The following CACNA2D1 variants were observed in gnomAD, a reference collection of about 807,000 sequenced individuals.
CACNA2D1 encodes the protein voltage-dependent calcium channel subunit alpha-2/delta-1.
Under a neutral mutation model 171.5 loss-of-function variants are expected in CACNA2D1, and 53 were observed. That is an observed-to-expected ratio of 0.31 (90% CI 0.25 to 0.39). The LOEUF (loss-of-function observed/expected upper bound fraction) is 0.39, where lower values mean the gene tolerates loss of function less well. CACNA2D1 is among the 10% of genes least tolerant of loss of function. The pLI is 1.00. For synonymous variants in CACNA2D1, 442 were observed against 443.1 expected (o/e 1.00, Z 0.03); for missense variants, 903 against 1,299.8 (o/e 0.69, Z 4.69).
intron 1 of CACNA2D1, among the ~76,000 whole-genome samples, chr7:82,431,551 C>G (rs185606543): frequency 6.6e-6 from 1 of 152,072 alleles, no homozygotes; most frequent in Non-Finnish European, 1.5e-5. Flanking sequence ...GATGCTAAGA[C>G]CTCAAAGCTT....
At chr7:82,224,484 G>T (rs1291052757) in intron 3 of CACNA2D1, among the ~76,000 whole-genome samples, 1 of 152,064 alleles carries the variant, frequency 6.6e-6, no homozygotes, top group African/African-American at 2.4e-5. Flanking sequence ...TACTCAGGAG[G>T]CTGAGGCAGA....
rs114468611 is a variant in CACNA2D1, at chr7:82,212,601, G to T, written c.295-41992C>A. ...TTTCACAGAGAATAGCAGAGTCAAG[G>T]TTCATGTGAGCAGATATGGATGCAT... is the stretch of plus-strand genomic sequence containing the variant. On this transcript the variant is annotated intron_variant, in intron 3 of 38. Transcript: ENST00000356860. 5.4e-3 allele frequency among the ~76,000 whole-genome samples: 816 copies of T among 152,266 alleles called. 7 individuals carry two copies. The highest frequency in any genetic ancestry group is 0.018 in the African/African-American group (766 of 41,556).
intron 1 of CACNA2D1, among the ~76,000 whole-genome samples, chr7:82,436,486 T>A (rs1830127733): frequency 1.3e-5 from 2 of 152,220 alleles, no homozygotes; most frequent in African/African-American, 4.8e-5. Context: ...GAGATCTAGA[T>A]AATTTTATTG....
intron 4 of CACNA2D1, among the ~76,000 whole-genome samples, chr7:82,149,188 A>T (rs1050594882): frequency 6.6e-5 from 10 of 152,240 alleles, no homozygotes; most frequent in African/African-American, 2.4e-4. Context: ...CACAGCTTAG[A>T]TGTCATTAAC....
chr7:81,959,681 T>G (rs752599680), intron 37 of CACNA2D1, 39 bp downstream of exon 37: 2 of 1,582,280 alleles, frequency 1.3e-6, no homozygotes, highest in South Asian at 2.2e-5. Context: ...TGCATTAAGA[T>G]GGTTTTCCTT....
At chr7:82,037,626 C>T (rs1318574024) in intron 11 of CACNA2D1, among the ~76,000 whole-genome samples, 3 of 152,068 alleles carry the variant, frequency 2.0e-5, no homozygotes, top group African/African-American at 2.4e-5. Flanking sequence ...TTAATGTCTA[C>T]CATTTGGAAC....
intron 26 of CACNA2D1, chr7:81,971,076 G>GT (rs1795218167): frequency 3.8e-6 from 1 of 262,728 alleles, no homozygotes; most frequent in African/African-American, 2.3e-5. Flanking sequence ...GAAAAAAAAC[G>GT]TAAGACAAAA....
At chr7:82,336,300 T>G (rs1265723074) in intron 2 of CACNA2D1, among the ~76,000 whole-genome samples, 1 of 152,208 alleles carries the variant, frequency 6.6e-6, no homozygotes, top group Non-Finnish European at 1.5e-5. Flanking sequence ...GAATACTGGC[T>G]TCAAATGGAC....
At chr7:82,222,433 G>A (rs941809451) in intron 3 of CACNA2D1, among the ~76,000 whole-genome samples, 12 of 152,142 alleles carry the variant, frequency 7.9e-5, no homozygotes, top group Non-Finnish European at 1.5e-4. Flanking sequence ...AGGAGACTCA[G>A]GACAAACAAA....
chr7:82,381,337 A>C (rs1823696149), intron 1 of CACNA2D1, among the ~76,000 whole-genome samples: 1 of 147,608 alleles, frequency 6.8e-6, no homozygotes, highest in African/African-American at 2.5e-5. Flanking sequence ...AAAAAAAAAT[A>C]CGTCCTTGAC....
intron 2 of CACNA2D1, among the ~76,000 whole-genome samples, chr7:82,347,336 T>C (rs1172550406): frequency 2.0e-5 from 3 of 152,176 alleles, no homozygotes; most frequent in Non-Finnish European, 4.4e-5. Context: ...CGCAGTGCAG[T>C]GGCATGATCA....
intron 3 of CACNA2D1, among the ~76,000 whole-genome samples, chr7:82,261,203 C>T (rs997937283): frequency 1.1e-4 from 17 of 152,204 alleles, no homozygotes; most frequent in African/African-American, 4.1e-4. Flanking sequence ...GATCTGCCCG[C>T]CTCGGCCTCC....
At chr7:82,054,379 T>C (rs1386453569) in intron 10 of CACNA2D1, among the ~76,000 whole-genome samples, 1 of 152,204 alleles carries the variant, frequency 6.6e-6, no homozygotes, top group Non-Finnish European at 1.5e-5. Flanking sequence ...GAATTAACAT[T>C]ACTTGGGAAT....
At chr7:82,029,988 G>T (rs561705631) in intron 12 of CACNA2D1, 1 of 151,782 alleles carries the variant, frequency 6.6e-6, no homozygotes, top group South Asian at 2.1e-4. Flanking sequence ...CACAGCATCA[G>T]TATGTTAGCA....
At chr7:82,361,433 A>T (rs1364337892) in intron 1 of CACNA2D1, among the ~76,000 whole-genome samples, 1 of 152,202 alleles carries the variant, frequency 6.6e-6, no homozygotes, top group Non-Finnish European at 1.5e-5. Flanking sequence ...GTTTATATAA[A>T]TGTCCAAGTA....
At chr7:82,192,519 GAC>G (rs749065907) in intron 3 of CACNA2D1, among the ~76,000 whole-genome samples, 1 of 140,122 alleles carries the variant, frequency 7.1e-6, no homozygotes, top group African/African-American at 2.7e-5. Context: ...TGAATATAGA[GAC>G]AGGTAAAAAG....
Position 81,970,037 on chromosome 7 carries a change from C to T in CACNA2D1, c.2205-53G>A, listed in dbSNP as rs941474926. On this transcript the variant is annotated intron_variant, in intron 27 of 38. Coordinates refer to ENST00000356860, the MANE Select transcript of CACNA2D1 (RefSeq NM_000722.4). ...ATTCTTTAATCTACCTGATAACCTA[C>T]TTTATCCTATGTGGACTTGCTGAGC... is the stretch of plus-strand genomic sequence containing the variant. 5 of 1,055,032 alleles carry T rather than the reference C, an allele frequency of 4.7e-6. No individual in the cohort carries two copies. In the Admixed American group the frequency reaches 5.1e-5, roughly 11 times the overall value. The allele number at this position is 1,055,032 out of a possible 1,614,324, so 65.4% of individuals were successfully genotyped here.
chr7:82,306,470 C>T (rs1055893456), intron 3 of CACNA2D1, among the ~76,000 whole-genome samples: 70 of 152,306 alleles, frequency 4.6e-4, no homozygotes, highest in African/African-American at 1.7e-3. Flanking sequence ...GCTGTCTCAA[C>T]TTTTACTACA....
intron 10 of CACNA2D1, among the ~76,000 whole-genome samples, chr7:82,060,137 A>C (rs1260897455): frequency 1.3e-5 from 1 of 75,042 alleles, no homozygotes; most frequent in East Asian, 4.4e-4. Context: ...CCTAAAACTT[A>C]AATTATATAT....
Sources: gnomAD v4.1 joint callset for allele counts (sites outside exome capture counted in the v4.1 genomes callset) on GRCh38, gnomAD v4.1.1 for gene constraint, MANE v1.5 for transcripts, NCBI Gene and HGNC (gene_info 2026-07-23, HGNC 2026-07-21) for gene names.